ZNF114: variants seen among roughly 807,000 people sequenced by gnomAD.
ZNF114 encodes the protein zinc finger protein 114, also known as zinc finger protein 114 (Y18).
In ZNF114, 8 loss-of-function variants were observed where a neutral mutation model predicts 6.8. The ratio of observed to expected loss-of-function variants is 1.18; its 90% CI spans 0.69 to 2.13. ZNF114 has a LOEUF of 2.13. Among genes scored for constraint, ZNF114 ranks in the 30% most tolerant of loss-of-function variants. ZNF114 has a pLI of 0.00. For missense variants in ZNF114, 472 were observed against 519.5 expected, an observed-to-expected ratio of 0.91 and a Z score of 0.89; for synonymous variants, 169 against 185.5, an observed-to-expected ratio of 0.91 and a Z score of 0.72.
Position 48,286,512 on chromosome 19 carries a change from T to G in ZNF114, c.888T>G (p.Ser296Arg), listed in dbSNP as rs1968135088. ...CTCCAAATTCCGGTTCACACAAGAG[T>G]CATTGCACTGGAGAGAAAACCCATA... ...ANAPNSGSHK[S>R]HCTGEKTHKC... The change falls in exon 6 of 6, where the codon AGT becomes AGG. Residue 296 changes from serine to arginine, a missense_variant. Ser to Arg is a moderately radical substitution (Grantham distance 110). Coordinates refer to ENST00000595607, the MANE Select transcript of ZNF114 (RefSeq NM_153608.4). 6.2e-7 allele frequency: 1 copy of G among 1,613,866 alleles called. No homozygotes were observed. Among genetic ancestry groups the G allele is most frequent in the African/African-American group, 1.3e-5 (1 of 74,844 alleles).
chr19:48,278,898 G>A (rs934569371), intron 3 of ZNF114, among the ~76,000 whole-genome samples: 1 of 151,990 alleles, frequency 6.6e-6, no homozygotes, highest in African/African-American at 2.4e-5. Context: ...AGCTGAGATC[G>A]TGCTACTGCA....
At chr19:48,283,040 G>C (rs573244798) in intron 5 of ZNF114, among the ~76,000 whole-genome samples, 1 of 151,882 alleles carries the variant, frequency 6.6e-6, no homozygotes, top group South Asian at 2.1e-4. Flanking sequence ...CATTAAGATG[G>C]GGTCTCACCC....
intron 5 of ZNF114, among the ~76,000 whole-genome samples, chr19:48,284,129 C>T (rs774659824): frequency 6.6e-6 from 1 of 152,146 alleles, no homozygotes; most frequent in Non-Finnish European, 1.5e-5. Flanking sequence ...AAAGTACATT[C>T]TTTGGTGCGT....
intron 3 of ZNF114, among the ~76,000 whole-genome samples, chr19:48,276,230 C>T (rs780448384): frequency 2.6e-5 from 4 of 151,638 alleles, no homozygotes; most frequent in Non-Finnish European, 5.9e-5. Context: ...CAGGCGTGTG[C>T]CACCACACCC....
At chr19:48,281,730 GC>G (rs200951678) in intron 4 of ZNF114, 2,336 of 151,152 alleles carry the variant, frequency 0.015, 34 homozygotes, top group Non-Finnish European at 0.026. Context: ...TCACTGTGTT[GC>G]CCAAGCTGGT....
intron 4 of ZNF114, among the ~76,000 whole-genome samples, chr19:48,281,915 T>TG (rs1168972625): frequency 7.0e-6 from 1 of 143,642 alleles, no homozygotes; most frequent in Non-Finnish European, 1.5e-5. Flanking sequence ...TTTTTTTTTT[T>TG]TGAGACAGTC....
At position 48,286,013 on chromosome 19, in the gene ZNF114, A is replaced by T; in HGVS notation, c.389A>T (p.Asn130Ile). 6.2e-7 allele frequency: 1 copy of T among 1,613,962 alleles called. No individual in the cohort carries two copies. Among genetic ancestry groups the T allele is most frequent in the Non-Finnish European group, 8.5e-7 (1 of 1,180,018 alleles). ...VSICEDHEMR[N>I]HSKPTCRLVP... ...ATTTGTGAAGATCATGAAATGAGGA[A>T]CCACTCTAAACCTACCTGCAGGCTT... The change falls in exon 6 of 6, where the codon AAC (asparagine) becomes ATC (isoleucine). Residue 130 changes from asparagine to isoleucine, a missense_variant. Transcript: ENST00000595607.
In ZNF114 at chr19:48,287,413, TG is replaced by T. The variant is rs1968161948; in HGVS notation, c.*536del. The T allele has an allele frequency of 2.0e-5, 3 of 151,364 alleles. No individual in the cohort carries two copies. Among genetic ancestry groups the T allele is most frequent in the Admixed American group, 2.0e-4 (3 of 15,188 alleles). The allele number at this position is 151,364 out of a possible 1,614,324, so 9.4% of individuals were successfully genotyped here. ...TTGGGAGGCTGAGGTAGGAGAATGG[TG>T]TAAACCTGGGAGGTGGAGCTTGCAG... On this transcript the variant is annotated 3_prime_UTR_variant, in exon 6 of 6. Coordinates refer to ENST00000595607, the MANE Select transcript of ZNF114 (RefSeq NM_153608.4).
chr19:48,281,093 C>T (rs560385554), intron 4 of ZNF114, among the ~76,000 whole-genome samples: 1 of 151,920 alleles, frequency 6.6e-6, no homozygotes, highest in African/African-American at 2.4e-5. Flanking sequence ...CCGTGAGCTG[C>T]ATTTGCACCA....
chr19:48,283,755 CTG>C (rs1968050817), intron 5 of ZNF114, among the ~76,000 whole-genome samples: 1 of 151,420 alleles, frequency 6.6e-6, no homozygotes, highest in African/African-American at 2.4e-5. Context: ...GTTTTTGAGA[CTG>C]TGTTTCACTC....
At chr19:48,279,207 C>A (rs1023161924) in intron 3 of ZNF114, among the ~76,000 whole-genome samples, 1 of 150,874 alleles carries the variant, frequency 6.6e-6, no homozygotes, top group Non-Finnish European at 1.5e-5. Flanking sequence ...CCAGCCTAGG[C>A]AACATAGTGA....
intron 5 of ZNF114, among the ~76,000 whole-genome samples, 165 bp from the exon 6 acceptor site, chr19:48,285,596 A>G (rs4802462): frequency 0.25 from 37,931 of 150,536 alleles, 4,963 homozygotes; most frequent in Middle Eastern, 0.33. Context: ...GAAAAGAAAG[A>G]AAGGAAGGAA....
Position 48,277,799 on chromosome 19 carries a change from G to A in ZNF114, c.-69-1932G>A, listed in dbSNP as rs540939734. On this transcript the variant is annotated intron_variant, in intron 3 of 5. Coordinates refer to ENST00000595607, the MANE Select transcript of ZNF114 (RefSeq NM_153608.4). Reference sequence around the variant, plus strand: ...GACTGACCAGGGAGGCATTGGGTGTGTGTGTGTGTGTGTGTGTGTGTGTGT... The same window carrying A: ...GACTGACCAGGGAGGCATTGGGTGTATGTGTGTGTGTGTGTGTGTGTGTGT... Among the ~76,000 whole-genome samples, 78 of 127,506 alleles carry A rather than the reference G, an allele frequency of 6.1e-4. 1 individual carries two copies. The highest frequency in any genetic ancestry group is 2.4e-3 in the African/African-American group (74 of 30,546). The allele number at this position is 127,506 out of a possible 152,430, so 83.6% of individuals were successfully genotyped here.
intron 4 of ZNF114, 142 bp from the exon 5 acceptor site, chr19:48,282,229 A>G: frequency 8.5e-7 from 1 of 1,175,878 alleles, no homozygotes; most frequent in Non-Finnish European, 1.2e-6. Flanking sequence ...GACATCTGCA[A>G]AGACTCTAGT....
intron 5 of ZNF114, among the ~76,000 whole-genome samples, chr19:48,283,756 T>A (rs999794248): frequency 6.6e-6 from 1 of 151,722 alleles, no homozygotes; most frequent in Non-Finnish European, 1.5e-5. Context: ...TTTTTGAGAC[T>A]GTGTTTCACT....
chr19:48,279,677 G>A (rs1277817532), intron 3 of ZNF114, 54 bp from the exon 4 acceptor site: 3 of 1,237,802 alleles, frequency 2.4e-6, no homozygotes, highest in Non-Finnish European at 3.5e-6. Flanking sequence ...ATCCACATAC[G>A]AGTGTGGGGA....
At chr19:48,280,738 A>G (rs1484294307) in intron 4 of ZNF114, among the ~76,000 whole-genome samples, 1 of 151,696 alleles carries the variant, frequency 6.6e-6, no homozygotes, top group Non-Finnish European at 1.5e-5. Flanking sequence ...TTTTTAGTTG[A>G]GATGGGGTTT....
chr19:48,279,612 G>C (rs1053516795), intron 3 of ZNF114, 119 bp from the exon 4 acceptor site: 3 of 657,484 alleles, frequency 4.6e-6, no homozygotes, highest in Non-Finnish European at 8.0e-6. Context: ...TGTGGGCTGT[G>C]GTGGGGAAGT....
chr19:48,285,872 A>G lies in ZNF114; in HGVS notation c.248A>G (p.His83Arg), dbSNP rs927103647. 2 of 1,614,138 alleles carry G rather than the reference A, an allele frequency of 1.2e-6. No individual in the cohort carries two copies. The highest frequency in any genetic ancestry group is 3.3e-5 in the Admixed American group (2 of 60,004). The part of the protein sequence containing the change: ...RVCLTSISSQ[H>R]STLREDWRCP... Reference sequence around the variant, plus strand: ...TGTCTCACGAGCATCAGTTCCCAGCACTCCACATTAAGAGAAGACTGGAGA... The same window carrying G: ...TGTCTCACGAGCATCAGTTCCCAGCGCTCCACATTAAGAGAAGACTGGAGA... The change falls in exon 6 of 6, where the codon CAC becomes CGC. Residue 83 changes from histidine (H) to arginine (R), a missense_variant. His to Arg is a conservative substitution (Grantham distance 29). Transcript: ENST00000595607.
Sources: allele counts gnomAD v4.1 joint callset (sites outside exome capture counted in the v4.1 genomes callset), GRCh38; gene constraint gnomAD v4.1.1; transcripts MANE v1.5; gene names NCBI Gene and HGNC (gene_info 2026-07-23, HGNC 2026-07-21).